PCNX1: variants seen among roughly 807,000 people sequenced by gnomAD.
PCNX1 encodes the protein pecanex 1.
Under a neutral mutation model 242.2 loss-of-function variants are expected in PCNX1, and 78 were observed. The observed-to-expected ratio is 0.32, with a 90% CI of 0.27 to 0.39. PCNX1 has a LOEUF of 0.39. Among genes scored for constraint, PCNX1 ranks in the 10% least tolerant of loss-of-function variants. The probability of loss-of-function intolerance (pLI) is 1.00; values close to 1 mark genes in which losing one functional copy is unlikely to be tolerated. For missense variants in PCNX1, 2,581 were observed against 2,856.5 expected, an observed-to-expected ratio of 0.90 and a Z score of 2.20; for synonymous variants, 1,024 against 1,032.9, an observed-to-expected ratio of 0.99 and a Z score of 0.17.
Position 70,907,514 on chromosome 14 carries a change from T to G in PCNX1, c.-337T>G, listed in dbSNP as rs1384386281. 4 of 146,854 alleles carry G rather than the reference T, an allele frequency of 2.7e-5. No homozygotes were observed. Among genetic ancestry groups the G allele is most frequent in the African/African-American group, 5.1e-5 (2 of 39,220 alleles). The allele number at this position is 146,854 out of a possible 1,614,324, so 9.1% of individuals were successfully genotyped here. On this transcript the variant is annotated 5_prime_UTR_variant, in exon 1 of 36. Coordinates refer to ENST00000304743, the MANE Select transcript of PCNX1 (RefSeq NM_014982.3). The stretch of plus-strand genomic sequence containing the variant: ...CCGGCGGGGGTCGCGGCGGCGGCAG[T>G]GGGGGCGCTGGCGGGCCGCGGGTGG...
At chr14:70,976,244 C>T (rs1455288728) in intron 5 of PCNX1, among the ~76,000 whole-genome samples, 1 of 152,134 alleles carries the variant, frequency 6.6e-6, no homozygotes, top group East Asian at 1.9e-4. Flanking sequence ...TCCCATTTTG[C>T]AGATGAGGAA....
chr14:70,919,729 C>G (rs920818633), intron 1 of PCNX1, among the ~76,000 whole-genome samples: 1 of 43,958 alleles, frequency 2.3e-5, no homozygotes, highest in Non-Finnish European at 6.9e-5. Context: ...CCCCCCCCCC[C>G]ACCAAATAGG....
Position 70,973,556 on chromosome 14 carries a change from A to G in PCNX1, c.605-3386A>G, listed in dbSNP as rs545079472. On this transcript the variant is annotated intron_variant, in intron 5 of 35. Coordinates refer to ENST00000304743, the MANE Select transcript of PCNX1 (RefSeq NM_014982.3). ...ATACAAAGAGAATTGGAGGAGAAGA[A>G]TCAGACAGTGAATACAGACAACTCT... Among the ~76,000 whole-genome samples, 5 of 152,154 alleles carry G rather than the reference A, an allele frequency of 3.3e-5. No homozygotes were observed. In the South Asian group the frequency reaches 8.3e-4, roughly 25 times the overall value.
chr14:70,932,548 G>A (rs2056842370), intron 1 of PCNX1, among the ~76,000 whole-genome samples: 1 of 151,578 alleles, frequency 6.6e-6, no homozygotes, highest in Admixed American at 6.6e-5. Context: ...TACCTTTTAT[G>A]TCAAATAGTG....
At chr14:70,918,400 T>A (rs1449102503) in intron 1 of PCNX1, among the ~76,000 whole-genome samples, 3 of 152,186 alleles carry the variant, frequency 2.0e-5, no homozygotes, top group Admixed American at 1.3e-4. Flanking sequence ...TTGATGGTAC[T>A]CCCATCAACA....
intron 33 of PCNX1, among the ~76,000 whole-genome samples, chr14:71,107,075 A>G (rs546022880): frequency 3.9e-5 from 6 of 152,232 alleles, no homozygotes; most frequent in Admixed American, 3.9e-4. Context: ...CATGAGATCT[A>G]CAATCCACCT....
Position 71,008,046 on chromosome 14 carries a change from T to A in PCNX1, c.2630-1588T>A, listed in dbSNP as rs533191128. 1.3e-4 allele frequency among the ~76,000 whole-genome samples: 20 copies of A among 152,240 alleles called. No homozygotes were observed. The South Asian group carries it at 2.1e-3, about 16-fold the overall frequency. On this transcript the variant is annotated intron_variant, in intron 8 of 35. Coordinates refer to ENST00000304743, the MANE Select transcript of PCNX1 (RefSeq NM_014982.3). ...ACCTGAGCATTTCACAGAAAACCTT[T>A]TTTTCCCTAACTTAGGAGTATATTA...
intron 1 of PCNX1, among the ~76,000 whole-genome samples, chr14:70,927,569 CTCTTT>C (rs984362546): frequency 7.9e-5 from 12 of 151,512 alleles, no homozygotes; most frequent in Non-Finnish European, 5.9e-5. Context: ...TTCATTCTCT[CTCTTT>C]TATTTATTTA....
At chr14:70,948,946 T>C (rs1364738303) in intron 2 of PCNX1, among the ~76,000 whole-genome samples, 2 of 144,216 alleles carry the variant, frequency 1.4e-5, no homozygotes, top group Non-Finnish European at 3.1e-5. Context: ...TATGTACATA[T>C]ACACATACGT....
At chr14:70,956,239 A>G (rs1376153768) in intron 2 of PCNX1, among the ~76,000 whole-genome samples, 1 of 152,116 alleles carries the variant, frequency 6.6e-6, no homozygotes, top group Non-Finnish European at 1.5e-5. Flanking sequence ...GTAAGGCAGT[A>G]TGTTTTCTTA....
chr14:70,942,206 G>A (rs1441132226), intron 1 of PCNX1, among the ~76,000 whole-genome samples: 11 of 152,134 alleles, frequency 7.2e-5, no homozygotes, highest in Non-Finnish European at 4.4e-5. Context: ...CTTCTGCATC[G>A]CTCACGCTGG....
In PCNX1 at chr14:71,026,084, A is replaced by C. The variant is rs373194193; in HGVS notation, c.3184-33A>C. 152 of 1,435,192 alleles carry C rather than the reference A, an allele frequency of 1.1e-4. 1 individual carries two copies. Among genetic ancestry groups the C allele is most frequent in the Middle Eastern group, 1.8e-4 (1 of 5,558 alleles). 88.9% of individuals were successfully genotyped at this position (1,435,192 alleles called of 1,614,324 possible). A position where few individuals can be genotyped will look rare whatever the true frequency, so the allele number is the denominator to read the frequency against. ...TAGTTATTTGTGACTCTTAAAATTA[A>C]CCAAACTGACTTTTAAAAAATATCA... is the stretch of plus-strand genomic sequence containing the variant. On this transcript the variant is annotated intron_variant, in intron 13 of 35. Transcript: ENST00000304743.
chr14:71,080,884 G>T (rs1306478121), intron 28 of PCNX1, among the ~76,000 whole-genome samples: 1 of 152,150 alleles, frequency 6.6e-6, no homozygotes. Flanking sequence ...TGATTGCCCT[G>T]TCTAGAACTT....
chr14:70,984,193 T>A (rs1415087298), intron 6 of PCNX1, among the ~76,000 whole-genome samples: 1 of 151,394 alleles, frequency 6.6e-6, no homozygotes, highest in East Asian at 1.9e-4. Flanking sequence ...TCGTGATCTT[T>A]CCAGATTTAC....
intron 1 of PCNX1, among the ~76,000 whole-genome samples, chr14:70,931,611 C>T (rs1037597107): frequency 5.9e-5 from 9 of 152,162 alleles, no homozygotes; most frequent in Non-Finnish European, 8.8e-5. Context: ...TTTTCATCTG[C>T]CAGATTTTTT....
chr14:70,994,157 C>T (rs2059255684), intron 7 of PCNX1, among the ~76,000 whole-genome samples: 1 of 151,730 alleles, frequency 6.6e-6, no homozygotes, highest in Non-Finnish European at 1.5e-5. Context: ...AATAGGACTT[C>T]CTGGGATGAT....
At chr14:71,083,749 T>A (rs1408326239) in intron 28 of PCNX1, among the ~76,000 whole-genome samples, 1 of 152,158 alleles carries the variant, frequency 6.6e-6, no homozygotes, top group Non-Finnish European at 1.5e-5. Flanking sequence ...GCAATTCCTC[T>A]GACCTTTTTT....
At chr14:71,067,807 C>A (rs1262330678) in intron 26 of PCNX1, among the ~76,000 whole-genome samples, 1 of 151,742 alleles carries the variant, frequency 6.6e-6, no homozygotes, top group Non-Finnish European at 1.5e-5. Flanking sequence ...TACGTTGTGT[C>A]TTTGTTCTTA....
rs1427814283 is a variant in PCNX1 at position 70,977,931 on chromosome 14, G to T, written c.1594G>T (p.Asp532Tyr). The T allele has an allele frequency of 6.2e-7, 1 of 1,614,184 alleles. No homozygotes were observed. Among genetic ancestry groups the T allele is most frequent in the Admixed American group, 1.7e-5 (1 of 60,012 alleles). ...TTCTGTGGATTCCAAAGTGCGTAAA[G>T]ATGTTGGTGGAAAGCAAAAGGAAGG... Reference protein sequence around the residue: ...AVSVDSKVRKDVGGKQKEGDV... With the variant: ...AVSVDSKVRKYVGGKQKEGDV... The change falls in exon 6 of 36, where the codon GAT (aspartate) becomes TAT (tyrosine). Residue 532 changes from aspartate (D) to tyrosine (Y), a missense_variant. This residue lies in a region of PCNX1 where 1,204 missense variants were observed against 1,216.7 expected (regional missense o/e 0.99). Coordinates refer to ENST00000304743, the MANE Select transcript of PCNX1 (RefSeq NM_014982.3).
Sources: gnomAD v4.1 joint callset for allele counts (sites outside exome capture counted in the v4.1 genomes callset) on GRCh38, gnomAD v4.1.1 for gene constraint, gnomAD v4.1.1 regional missense constraint, MANE v1.5 for transcripts, NCBI Gene and HGNC (gene_info 2026-07-23, HGNC 2026-07-21) for gene names.